The following ENKUR variants were observed in gnomAD, a reference collection of about 807,000 sequenced individuals.
ENKUR encodes enkurin, TRPC channel interacting protein, also known as enkurin.
Under a neutral mutation model 27.6 loss-of-function variants are expected in ENKUR, and 19 were observed. The observed-to-expected ratio is 0.69, with a 90% CI of 0.48 to 1.01. The LOEUF (loss-of-function observed/expected upper bound fraction) is 1.01. ENKUR is among the 50% of genes least tolerant of loss of function. The pLI is 0.00. For synonymous variants in ENKUR, 117 were observed against 96.9 expected (o/e 1.21, Z -1.22); for missense variants, 312 against 310.5 (o/e 1.00, Z -0.04).
At chr10:25,060,533 A>G (rs1327086359) in intron 2 of ENKUR, among the ~76,000 whole-genome samples, 2 of 152,226 alleles carry the variant, frequency 1.3e-5, no homozygotes, top group African/African-American at 2.4e-5. Flanking sequence ...CCACATAAGC[A>G]TAAATACACC....
At chr10:24,988,024 C>T (rs1849816477) in intron 4 of ENKUR, among the ~76,000 whole-genome samples, 1 of 151,792 alleles carries the variant, frequency 6.6e-6, no homozygotes, top group Admixed American at 6.6e-5. Flanking sequence ...AGTTTAAGAC[C>T]AGCCTGGGCA....
At chr10:25,022,114 T>G (rs1460107771) in intron 2 of ENKUR, among the ~76,000 whole-genome samples, 2 of 152,176 alleles carry the variant, frequency 1.3e-5, no homozygotes, top group Non-Finnish European at 2.9e-5. Context: ...TGACATTACT[T>G]CAGGCAATTT....
chr10:24,993,081 C>A (rs993025746), intron 3 of ENKUR, among the ~76,000 whole-genome samples: 1 of 152,056 alleles, frequency 6.6e-6, no homozygotes, highest in African/African-American at 2.4e-5. Flanking sequence ...ACTGCTTGAG[C>A]CCAAAAGTTC....
chr10:25,014,771 G>A (rs933585172), intron 1 of ENKUR, among the ~76,000 whole-genome samples: 1 of 152,130 alleles, frequency 6.6e-6, no homozygotes, highest in African/African-American at 2.4e-5. Flanking sequence ...GTCTCTAGAT[G>A]TTGATATGCT....
intron 2 of ENKUR, among the ~76,000 whole-genome samples, chr10:25,045,282 TTTC>T (rs1404608607): frequency 6.6e-6 from 1 of 152,250 alleles, no homozygotes; most frequent in African/African-American, 2.4e-5. Flanking sequence ...AACCAGTTAA[TTTC>T]TTCCAGTGTA....
Position 24,997,540 on chromosome 10 carries a change from G to A in ENKUR, c.224-1671C>T, listed in dbSNP as rs886194466. On this transcript the variant is annotated intron_variant, in intron 2 of 5. Coordinates refer to ENST00000331161, the MANE Select transcript of ENKUR (RefSeq NM_145010.4). ...TAGCTGGGACCACAGATGTGCATCA[G>A]CACACCTAGCTAATTAAAAAAAATT... Among the ~76,000 whole-genome samples, 17 of 151,614 alleles carry A rather than the reference G, an allele frequency of 1.1e-4. 1 individual carries two copies. The highest frequency in any genetic ancestry group is 9.2e-4 in the Admixed American group (14 of 15,244).
chr10:25,017,134 C>T (rs1328305879), upstream of ENKUR, among the ~76,000 whole-genome samples: 2 of 152,214 alleles, frequency 1.3e-5, no homozygotes, highest in African/African-American at 4.8e-5. Context: ...AACCAGTGGA[C>T]CTGCTCTTTG....
At chr10:25,012,972 G>A (rs1343052509) in intron 1 of ENKUR, among the ~76,000 whole-genome samples, 5 of 152,188 alleles carry the variant, frequency 3.3e-5, no homozygotes, top group Admixed American at 6.5e-5. Flanking sequence ...GGGATCTGGT[G>A]ATAGGTAATT....
intron 1 of ENKUR, among the ~76,000 whole-genome samples, chr10:25,008,281 T>C (rs991255083): frequency 1.1e-4 from 16 of 152,162 alleles, no homozygotes; most frequent in Middle Eastern, 3.2e-3. Context: ...TAGACTTTCT[T>C]TGAATATAAG....
chr10:25,006,686 A>G (rs1850320887), intron 1 of ENKUR, among the ~76,000 whole-genome samples: 1 of 152,226 alleles, frequency 6.6e-6, no homozygotes, highest in Admixed American at 6.5e-5. Flanking sequence ...TAAACACGAA[A>G]TAGTATCTGA....
rs576538199 is a variant in ENKUR, at chr10:24,993,128, T to A, written c.447+2518A>T. On this transcript the variant is annotated intron_variant, in intron 3 of 5. Coordinates refer to ENST00000331161, the MANE Select transcript of ENKUR (RefSeq NM_145010.4). ...GGGCAACATAGTGAGACTCCATCTCTAAAAAAAATTAAATTAAGTGTTTTT... is the reference window on the plus strand; with the variant it reads ...GGGCAACATAGTGAGACTCCATCTCAAAAAAAAATTAAATTAAGTGTTTTT... Among the ~76,000 whole-genome samples, 30 of 151,938 alleles carry A rather than the reference T, an allele frequency of 2.0e-4. 1 individual carries two copies. In the South Asian group the frequency reaches 6.3e-3, roughly 32 times the overall value.
chr10:25,020,861 AC>A (rs1363885065), upstream of ENKUR, among the ~76,000 whole-genome samples: 1 of 152,228 alleles, frequency 6.6e-6, no homozygotes, highest in African/African-American at 2.4e-5. Flanking sequence ...CTGTAATGTT[AC>A]AAGCAAAAGC....
At chr10:25,018,977 T>C (rs144294659), upstream of ENKUR, among the ~76,000 whole-genome samples, 1 of 152,264 alleles carries the variant, frequency 6.6e-6, no homozygotes, top group East Asian at 1.9e-4. Context: ...CTATACTGGA[T>C]TGTGTGGTCC....
chr10:25,005,635 A>C (rs1850295555), intron 1 of ENKUR, among the ~76,000 whole-genome samples: 1 of 152,228 alleles, frequency 6.6e-6, no homozygotes, highest in Non-Finnish European at 1.5e-5. Context: ...TTTTACACGT[A>C]CACAGATATC....
intron 5 of ENKUR, 164 bp from the exon 6 acceptor site, chr10:24,984,540 CACT>C: frequency 8.9e-7 from 1 of 1,128,130 alleles, no homozygotes; most frequent in South Asian, 1.8e-5. Flanking sequence ...GAAAACGTGA[CACT>C]AGTAAAAACA....
intron 2 of ENKUR, among the ~76,000 whole-genome samples, chr10:25,026,855 A>G (rs1233651621): frequency 6.6e-6 from 1 of 152,070 alleles, no homozygotes; most frequent in Non-Finnish European, 1.5e-5. Flanking sequence ...AACCAATTAT[A>G]TATTAACACC....
At chr10:25,056,026 A>G (rs373984119) in intron 2 of ENKUR, among the ~76,000 whole-genome samples, 1 of 148,570 alleles carries the variant, frequency 6.7e-6, no homozygotes, top group Admixed American at 7.0e-5. Context: ...CATTGTCATT[A>G]TAAGGGCCAT....
intron 1 of ENKUR, among the ~76,000 whole-genome samples, chr10:25,010,082 G>A (rs890298446): frequency 1.3e-5 from 2 of 152,208 alleles, no homozygotes; most frequent in Non-Finnish European, 2.9e-5. Flanking sequence ...GGAGGGCTCA[G>A]AAGGGGACAG....
chr10:25,035,353 A>G (rs568834156), intron 2 of ENKUR, among the ~76,000 whole-genome samples: 1 of 152,280 alleles, frequency 6.6e-6, no homozygotes. Flanking sequence ...TCAGGAGTTC[A>G]AGACCAGCAT....
Sources: gnomAD v4.1 joint callset for allele counts (sites outside exome capture counted in the v4.1 genomes callset) on GRCh38, gnomAD v4.1.1 for gene constraint, MANE v1.5 for transcripts, NCBI Gene and HGNC (gene_info 2026-07-23, HGNC 2026-07-21) for gene names.